SULT4A1: variants seen among roughly 807,000 people sequenced by gnomAD.
SULT4A1 encodes the protein sulfotransferase 4A1.
A neutral mutation model predicts 35.2 loss-of-function variants in SULT4A1; 11 were observed. The observed-to-expected ratio is 0.31, with a 90% confidence interval of 0.20 to 0.52. The LOEUF (loss-of-function observed/expected upper bound fraction) is 0.52, where lower values mean the gene tolerates loss of function less well. Ranked by LOEUF, SULT4A1 falls within the 20% of genes least tolerant of loss-of-function variation. The pLI is 0.97. For synonymous variants in SULT4A1, 152 were observed against 151.8 expected (o/e 1.00, Z -0.01); for missense variants, 271 against 383.7 (o/e 0.71, Z 2.45).
chr22:43,854,362 C>T (rs1005911439), intron 1 of SULT4A1, among the ~76,000 whole-genome samples: 43 of 152,170 alleles, frequency 2.8e-4, no homozygotes, highest in Non-Finnish European at 2.4e-4. Flanking sequence ...AAAAGAGGTG[C>T]CTGGAGCACA....
intron 1 of SULT4A1, among the ~76,000 whole-genome samples, chr22:43,854,692 G>T (rs2049382197): frequency 6.6e-6 from 1 of 152,134 alleles, no homozygotes; most frequent in Admixed American, 6.5e-5. Context: ...ACCACTAAAG[G>T]ACAAGAGTTG....
At chr22:43,850,227 A>G (rs713956) in intron 1 of SULT4A1, among the ~76,000 whole-genome samples, 35,097 of 152,208 alleles carry the variant, frequency 0.23, 4,712 homozygotes, top group East Asian at 0.46. Context: ...CAAAAAGTGT[A>G]CTGATATCAT....
chr22:43,841,951 A>G lies in SULT4A1; in HGVS notation c.170-19T>C, dbSNP rs772831527. ...CTGGTGCCTGGAGGGGAGAAGCCCC[A>G]GCGCGGGGTGCTCAGAGGAGGCCCA... is the stretch of plus-strand genomic sequence containing the variant. On this transcript the variant is annotated intron_variant, in intron 1 of 6. Transcript: ENST00000330884. 6.2e-7 allele frequency: 1 copy of G among 1,610,406 alleles called. No individual in the cohort carries two copies. The highest frequency in any genetic ancestry group is 8.5e-7 in the Non-Finnish European group (1 of 1,177,958).
intron 2 of SULT4A1, 146 bp downstream of exon 2, chr22:43,841,656 G>A: frequency 7.7e-7 from 1 of 1,301,268 alleles, no homozygotes; most frequent in South Asian, 1.5e-5. Context: ...TGCCAGCTCA[G>A]GCCTGCCAGC....
chr22:43,858,929 C>T (rs1172599903), intron 1 of SULT4A1, among the ~76,000 whole-genome samples: 1 of 152,216 alleles, frequency 6.6e-6, no homozygotes, highest in Non-Finnish European at 1.5e-5. Flanking sequence ...GTCTCCTCCT[C>T]CATGCAGTCT....
chr22:43,853,102 GCA>G (rs371938878), intron 1 of SULT4A1, among the ~76,000 whole-genome samples: 2 of 150,862 alleles, frequency 1.3e-5, no homozygotes, highest in African/African-American at 4.9e-5. Context: ...AACACAGCAC[GCA>G]CACACACACC....
chr22:43,847,095 C>A (rs1479252787), intron 1 of SULT4A1, among the ~76,000 whole-genome samples: 2 of 152,112 alleles, frequency 1.3e-5, no homozygotes, highest in African/African-American at 2.4e-5. Flanking sequence ...TTCTCTCCAG[C>A]CTGCCACATC....
At chr22:43,862,029 C>CCCCCA (rs909564354) in intron 1 of SULT4A1, among the ~76,000 whole-genome samples, 185 bp downstream of exon 1, 8 of 151,836 alleles carry the variant, frequency 5.3e-5, no homozygotes, top group East Asian at 3.9e-4. Context: ...CCCCTTCCCA[C>CCCCCA]CCCCACCCCA....
intron 1 of SULT4A1, among the ~76,000 whole-genome samples, chr22:43,852,380 T>C (rs545397057): frequency 9.9e-5 from 15 of 151,474 alleles, no homozygotes; most frequent in Non-Finnish European, 2.2e-4. Context: ...GGTCTCCCTA[T>C]GTTGCCCAGA....
chr22:43,862,394 C>A lies in SULT4A1; in HGVS notation c.-12G>T. On this transcript the variant is annotated 5_prime_UTR_variant, in exon 1 of 7. Transcript: ENST00000330884. ...TCGCTCTCCGCCATGCCGCCGCCGT[C>A]GCCGTCGCCGCCGCCGCCTCCCGGC... The A allele has an allele frequency of 7.9e-7, 1 of 1,264,304 alleles. No homozygotes were observed. Among genetic ancestry groups the A allele is most frequent in the Non-Finnish European group, 1.0e-6 (1 of 985,204 alleles). The allele number at this position is 1,264,304 out of a possible 1,614,324, so 78.3% of individuals were successfully genotyped here.
intron 1 of SULT4A1, among the ~76,000 whole-genome samples, chr22:43,857,348 G>C (rs1281786078): frequency 1.5e-5 from 2 of 136,444 alleles, no homozygotes; most frequent in Non-Finnish European, 3.0e-5. Context: ...GCCAGTCTGA[G>C]CAGCACAGTG....
intron 1 of SULT4A1, among the ~76,000 whole-genome samples, chr22:43,861,983 G>A (rs180805818): frequency 2.0e-5 from 3 of 152,172 alleles, no homozygotes; most frequent in Non-Finnish European, 4.4e-5. Context: ...CGCTCCCGAA[G>A]GTCTCTGACC....
intron 6 of SULT4A1, among the ~76,000 whole-genome samples, chr22:43,828,117 T>A (rs185588183): frequency 1.3e-5 from 2 of 152,318 alleles, no homozygotes; most frequent in East Asian, 1.9e-4. Flanking sequence ...GCCCAGCGCG[T>A]CTCTCATCCG....
chr22:43,828,584 A>G (rs1395558560), intron 6 of SULT4A1, among the ~76,000 whole-genome samples: 2 of 152,186 alleles, frequency 1.3e-5, no homozygotes, highest in South Asian at 4.1e-4. Flanking sequence ...GTCAGCGTCC[A>G]CTCAGTGAAG....
intron 4 of SULT4A1, among the ~76,000 whole-genome samples, chr22:43,836,566 G>A (rs1164476557): frequency 7.6e-5 from 9 of 118,472 alleles, no homozygotes; most frequent in Admixed American, 7.2e-4. Context: ...TCTACACAGC[G>A]TCCTCCAACT....
intron 6 of SULT4A1, chr22:43,827,755 C>CACACA: frequency 3.1e-6 from 1 of 326,794 alleles, no homozygotes; most frequent in Non-Finnish European, 6.1e-6. Context: ...CGCTGCTTCA[C>CACACA]CACACACACA....
At chr22:43,838,277 T>C (rs1017533525) in intron 4 of SULT4A1, among the ~76,000 whole-genome samples, 2 of 152,238 alleles carry the variant, frequency 1.3e-5, no homozygotes, top group Non-Finnish European at 2.9e-5. Flanking sequence ...CCTCAGGGGC[T>C]GGAATGGAAG....
At chr22:43,833,893 TCA>T (rs1273153171) in intron 4 of SULT4A1, among the ~76,000 whole-genome samples, 159 bp from the exon 5 acceptor site, 1 of 152,190 alleles carries the variant, frequency 6.6e-6, no homozygotes, top group Non-Finnish European at 1.5e-5. Context: ...CCCGAGGCAC[TCA>T]CGTCTTGAGC....
At chr22:43,850,068 C>A (rs867207321) in intron 1 of SULT4A1, among the ~76,000 whole-genome samples, 1 of 152,176 alleles carries the variant, frequency 6.6e-6, no homozygotes, top group South Asian at 2.1e-4. Flanking sequence ...CCAGCTCCCG[C>A]CTGCGAAGCA....
Sources: allele counts gnomAD v4.1 joint callset (sites outside exome capture counted in the v4.1 genomes callset), GRCh38; gene constraint gnomAD v4.1.1; transcripts MANE v1.5; gene names NCBI Gene and HGNC (gene_info 2026-07-23, HGNC 2026-07-21).